ARHGAP6: variants seen among roughly 807,000 people sequenced by gnomAD.
ARHGAP6 encodes the protein Rho GTPase activating protein 6, also known as rho GTPase-activating protein 6.
ARHGAP6 carries 16 observed loss-of-function variants against 55.7 expected under a neutral mutation model. That is an observed-to-expected ratio of 0.29 (90% confidence interval 0.19 to 0.44). The LOEUF (loss-of-function observed/expected upper bound fraction) is 0.44, where lower values mean the gene tolerates loss of function less well. Among genes scored for constraint, ARHGAP6 ranks in the 20% least tolerant of loss-of-function variants. The probability of loss-of-function intolerance (pLI) is 1.00; values close to 1 mark genes in which losing one functional copy is unlikely to be tolerated. For synonymous variants in ARHGAP6, 382 were observed against 360.9 expected, an observed-to-expected ratio of 1.06 and a Z score of -0.66; for missense variants, 698 against 808.9, an observed-to-expected ratio of 0.86 and a Z score of 1.66.
At chrX:11,254,735 A>T in intron 1 of ARHGAP6, 28 bp from the exon 2 acceptor site, 2 of 1,125,519 alleles carry the variant, frequency 1.8e-6, no homozygotes, top group Non-Finnish European at 2.3e-6. Flanking sequence ...AAAAAAAAAA[A>T]AAATCAAGAG....
intron 1 of ARHGAP6, among the ~76,000 whole-genome samples, chrX:11,258,887 G>T: frequency 9.0e-6 from 1 of 110,766 alleles, no homozygotes; most frequent in South Asian, 3.8e-4. Flanking sequence ...ATATTTATGG[G>T]GTACATGAGA....
At chrX:11,314,726 G>A (rs146646387) in intron 1 of ARHGAP6, among the ~76,000 whole-genome samples, 72 of 111,800 alleles carry the variant, frequency 6.4e-4, no homozygotes, top group Admixed American at 1.2e-3. Context: ...ATAAGTGGGA[G>A]CTAAATGATG....
chrX:11,520,780 G>A (rs759642664), intron 1 of ARHGAP6, among the ~76,000 whole-genome samples: 9 of 111,474 alleles, frequency 8.1e-5, no homozygotes, highest in East Asian at 2.8e-4. Flanking sequence ...TCCCAACAAC[G>A]GTGTAAAAGT....
At chrX:11,169,342 C>A (rs923359948) in intron 9 of ARHGAP6, 163 bp downstream of exon 9, 1 of 372,809 alleles carries the variant, frequency 2.7e-6, no homozygotes, top group Non-Finnish European at 4.5e-6. Context: ...AAAATGACAT[C>A]ATAGTTGTGC....
intron 1 of ARHGAP6, among the ~76,000 whole-genome samples, chrX:11,457,295 AC>A (rs780635308): frequency 4.5e-5 from 5 of 111,797 alleles, no homozygotes; most frequent in Non-Finnish European, 9.4e-5. Context: ...CCCAGTCCCT[AC>A]AAGGTGACTT....
rs901165005 is a variant in ARHGAP6 at position 11,346,710 on chromosome X, A to G, written c.589-92003T>C. On this transcript the variant is annotated intron_variant, in intron 1 of 12. Transcript: ENST00000337414. ...GGTGACACAGTGAGACCCTGTCTCA[A>G]GAAGAAAGAAAAGAAAGAAAGAAAG... 4.1e-5 allele frequency among the ~76,000 whole-genome samples: 4 copies of G among 98,530 alleles called. No homozygotes were observed. In the Admixed American group the frequency reaches 4.9e-4, roughly 12 times the overall value. 85.6% of individuals were successfully genotyped at this position (98,530 alleles called of 115,157 possible). A position where few individuals can be genotyped will look rare whatever the true frequency, so the allele number is the denominator to read the frequency against.
intron 1 of ARHGAP6, among the ~76,000 whole-genome samples, chrX:11,551,250 T>C (rs1288120362): frequency 9.0e-6 from 1 of 111,614 alleles, no homozygotes; most frequent in Admixed American, 9.5e-5. Context: ...GAATACTAAA[T>C]AGAAGGATTG....
In ARHGAP6 at chrX:11,139,360, T is replaced by G. The variant is rs1040847307; in HGVS notation, c.2428A>C (p.Arg810=). The change falls in exon 13 of 13, where the codon AGG becomes CGG. Residue 810 remains arginine, a synonymous_variant. Transcript: ENST00000337414. ...GCGCGCGACACCGCAGGGTGGGCCC[T>G]GCCCTCCGTCGCGGGGGCTGCGGCC... ...TQAAAPATEG[R]AHPAVSRACS... The G allele has an allele frequency of 8.5e-7, 1 of 1,179,158 alleles. No individual in the cohort carries two copies. Among genetic ancestry groups the G allele is most frequent in the Non-Finnish European group, 1.1e-6 (1 of 880,821 alleles).
intron 2 of ARHGAP6, among the ~76,000 whole-genome samples, chrX:11,213,730 A>G (rs747010725): frequency 8.9e-6 from 1 of 111,919 alleles, no homozygotes; most frequent in South Asian, 3.8e-4. Context: ...GGAAAGATAG[A>G]CACTGGAAAC....
intron 2 of ARHGAP6, among the ~76,000 whole-genome samples, chrX:11,253,831 G>A (rs922332760): frequency 1.8e-5 from 2 of 110,013 alleles, no homozygotes; most frequent in African/African-American, 6.6e-5. Flanking sequence ...CTTGAACCCA[G>A]GAGGTGGAGG....
chrX:11,190,941 C>T (rs1261409167), intron 3 of ARHGAP6, among the ~76,000 whole-genome samples: 2 of 112,626 alleles, frequency 1.8e-5, no homozygotes, highest in Non-Finnish European at 3.8e-5. Flanking sequence ...CACCACCCTC[C>T]TTTGCATGAG....
chrX:11,313,057 C>T (rs1174944410), intron 1 of ARHGAP6, among the ~76,000 whole-genome samples: 1 of 112,379 alleles, frequency 8.9e-6, no homozygotes, highest in Non-Finnish European at 1.9e-5. Flanking sequence ...TTTATTAAAT[C>T]TGCTAAACAA....
chrX:11,435,922 T>C (rs191917708), intron 1 of ARHGAP6, among the ~76,000 whole-genome samples: 79 of 112,203 alleles, frequency 7.0e-4, no homozygotes, highest in African/African-American at 2.3e-3. Context: ...TTTCTCCCCA[T>C]TGTCTTCATG....
Position 11,366,348 on chromosome X carries a change from G to A in ARHGAP6, c.589-111641C>T, listed in dbSNP as rs543884207. ...ATCTGATTCAATATTTCATTCATTC[G>A]TTTATACATACATACATTCAGATTC... On this transcript the variant is annotated intron_variant, in intron 1 of 12. Transcript: ENST00000337414. Among the ~76,000 whole-genome samples the A allele has an allele frequency of 5.3e-5, 6 of 112,451 alleles. No homozygotes were observed. In the South Asian group the frequency reaches 1.1e-3, roughly 21 times the overall value.
At chrX:11,185,447 A>C (rs779461860) in intron 5 of ARHGAP6, among the ~76,000 whole-genome samples, 1 of 112,012 alleles carries the variant, frequency 8.9e-6, no homozygotes, top group Admixed American at 9.5e-5. Flanking sequence ...TGTTAACAGT[A>C]GTTATATCTA....
chrX:11,459,034 G>A (rs1013043108), intron 1 of ARHGAP6, among the ~76,000 whole-genome samples: 2 of 110,420 alleles, frequency 1.8e-5, no homozygotes, highest in African/African-American at 3.3e-5. Flanking sequence ...AAGAAGAGGA[G>A]GGAGTTGGAG....
At chrX:11,316,465 A>G (rs2048360168) in intron 1 of ARHGAP6, among the ~76,000 whole-genome samples, 1 of 112,565 alleles carries the variant, frequency 8.9e-6, no homozygotes, top group African/African-American at 3.2e-5. Flanking sequence ...TTTATTGTGT[A>G]CAAGATGATG....
At position 11,552,555 on chromosome X, in the gene ARHGAP6, CATATATATATATATATATATAT is replaced by C. The variant is rs59008705; in HGVS notation, c.588+111664_588+111685del. Reference sequence around the variant, plus strand: ...GGATGAACTGATAAAGAAAATGTGCCATATATATATATATATATATATATATATATATATATATATATATAGA... The same window carrying C: ...GGATGAACTGATAAAGAAAATGTGCCATATATATATATATATATATATAGA... On this transcript the variant is annotated intron_variant, in intron 1 of 12. Transcript: ENST00000337414. Among the ~76,000 whole-genome samples the C allele has an allele frequency of 2.5e-3, 31 of 12,540 alleles. 1 individual carries two copies. The highest frequency in any genetic ancestry group is 0.017 in the East Asian group (5 of 301). The allele number at this position is 12,540 out of a possible 115,157, so 10.9% of individuals were successfully genotyped here.
At chrX:11,419,451 T>C (rs746686475) in intron 1 of ARHGAP6, among the ~76,000 whole-genome samples, 3 of 112,512 alleles carry the variant, frequency 2.7e-5, no homozygotes, top group African/African-American at 9.7e-5. Context: ...AAATGGCATC[T>C]TAACATGAAT....
Sources: allele counts gnomAD v4.1 joint callset (sites outside exome capture counted in the v4.1 genomes callset), GRCh38; gene constraint gnomAD v4.1.1; transcripts MANE v1.5; gene names NCBI Gene and HGNC (gene_info 2026-07-23, HGNC 2026-07-21).